PKD1L1: variants seen among roughly 807,000 people sequenced by gnomAD.
PKD1L1 encodes the protein polycystin 1 like 1, transient receptor potential channel interacting.
PKD1L1 carries 236 observed loss-of-function variants against 323.4 expected under a neutral mutation model. That is an observed-to-expected ratio of 0.73 (90% CI 0.66 to 0.81). The LOEUF (loss-of-function observed/expected upper bound fraction) is 0.81, where lower values mean the gene tolerates loss of function less well. PKD1L1 is among the 40% of genes least tolerant of loss of function. The pLI, the probability that PKD1L1 is intolerant of heterozygous loss-of-function variation, is 0.00. For missense variants in PKD1L1, 3,320 were observed against 3,508.0 expected, an observed-to-expected ratio of 0.95 and a Z score of 1.35; for synonymous variants, 1,344 against 1,335.0, an observed-to-expected ratio of 1.01 and a Z score of -0.15.
At chr7:47,931,853 A>C in intron 5 of PKD1L1, 83 bp downstream of exon 5, 1 of 1,498,794 alleles carries the variant, frequency 6.7e-7, no homozygotes, top group Non-Finnish European at 9.0e-7. Context: ...GGCCGCCTAC[A>C]TACGGGTGAG....
chr7:47,831,143 T>G, intron 42 of PKD1L1, 74 bp downstream of exon 42: 1 of 1,531,238 alleles, frequency 6.5e-7, no homozygotes. Flanking sequence ...TTCCCAGAAA[T>G]GCAGGGATTT....
chr7:47,801,792 C>T (rs910932929), intron 53 of PKD1L1, among the ~76,000 whole-genome samples: 6 of 152,174 alleles, frequency 3.9e-5, no homozygotes, highest in African/African-American at 9.7e-5. Flanking sequence ...TGTGGTCTCC[C>T]GGTCTCCCCT....
chr7:47,907,951 G>T, intron 9 of PKD1L1, 126 bp downstream of exon 9: 1 of 898,662 alleles, frequency 1.1e-6, no homozygotes, highest in Non-Finnish European at 1.6e-6. Flanking sequence ...AATTAGGGAA[G>T]AATGAATGAA....
upstream of PKD1L1, among the ~76,000 whole-genome samples, chr7:47,948,956 G>A (rs1004618126): frequency 5.3e-5 from 8 of 151,940 alleles, no homozygotes; most frequent in Non-Finnish European, 1.0e-4. Flanking sequence ...AAAACAAAAT[G>A]AAACAAAACA....
chr7:47,938,706 A>G (rs1787918967), intron 3 of PKD1L1, among the ~76,000 whole-genome samples: 1 of 152,176 alleles, frequency 6.6e-6, no homozygotes, highest in Non-Finnish European at 1.5e-5. Context: ...ACATTTCACC[A>G]GGACCAAGCC....
chr7:47,813,405 G>A, intron 48 of PKD1L1, 112 bp from the exon 49 acceptor site: 1 of 1,127,564 alleles, frequency 8.9e-7, no homozygotes, highest in Non-Finnish European at 1.3e-6. Flanking sequence ...CCTGCAACAT[G>A]GCACCCTTCT....
intron 45 of PKD1L1, among the ~76,000 whole-genome samples, chr7:47,822,434 C>CAA (rs35645229): frequency 5.5e-5 from 8 of 145,558 alleles, no homozygotes; most frequent in African/African-American, 1.5e-4. Context: ...ACTAAAAATA[C>CAA]AAAAAAAAAA....
In PKD1L1 at chr7:47,857,982, C is replaced by T. The variant is rs553336909; in HGVS notation, c.4363-150G>A. Reference sequence around the variant, plus strand: ...AAGCAAGAGCGCAGGTCTTAGGGCTCAGCGCTGGGTAAGTAGGCAACAAAT... The same window carrying T: ...AAGCAAGAGCGCAGGTCTTAGGGCTTAGCGCTGGGTAAGTAGGCAACAAAT... On this transcript the variant is annotated intron_variant, in intron 27 of 56. Transcript: ENST00000289672. The T allele has an allele frequency of 1.2e-4, 79 of 671,440 alleles. 1 individual carries two copies. Among genetic ancestry groups the T allele is most frequent in the African/African-American group, 1.1e-3 (60 of 55,312 alleles). The allele number at this position is 671,440 out of a possible 1,614,324, so 41.6% of individuals were successfully genotyped here. A position where few individuals can be genotyped will look rare whatever the true frequency, so the allele number is the denominator to read the frequency against.
In PKD1L1 at chr7:47,775,100, A is replaced by C. The variant is rs1468263391; in HGVS notation, c.*43T>G. The C allele has an allele frequency of 7.5e-6, 12 of 1,604,134 alleles. No homozygotes were observed. The highest frequency in any genetic ancestry group is 1.0e-5 in the Non-Finnish European group (12 of 1,175,660). On this transcript the variant is annotated 3_prime_UTR_variant, in exon 57 of 57. Transcript: ENST00000289672. ...CTAAAATTGGCTGTTGGGTGGGTTAAGCAAAACAGGGTCCATAGTGCCTAT... is the reference window on the plus strand; with the variant it reads ...CTAAAATTGGCTGTTGGGTGGGTTACGCAAAACAGGGTCCATAGTGCCTAT...
At position 47,908,138 on chromosome 7, in the gene PKD1L1, G is replaced by A. The variant is rs763880989; in HGVS notation, c.1341C>T (p.Asn447=). 4 of 1,614,206 alleles carry A rather than the reference G, an allele frequency of 2.5e-6. No individual in the cohort carries two copies. The highest frequency in any genetic ancestry group is 3.3e-5 in the Admixed American group (2 of 60,024). The change falls in exon 9 of 57, where the codon AAC becomes AAT. Residue 447 remains asparagine (N), a synonymous_variant. Transcript: ENST00000289672. ...IGHEAVSAFM[N]SSSVHEDEVL... is the part of the protein sequence containing the mutation. ...CTTCATCTTCATGGACACTGCTGGA[G>A]TTCATGAACGCAGACACGGCCTCAT...
intron 2 of PKD1L1, among the ~76,000 whole-genome samples, chr7:47,940,686 A>C (rs1787967892): frequency 6.6e-6 from 1 of 152,146 alleles, no homozygotes. Flanking sequence ...AGTCGGAAGG[A>C]GTGGTTGGGG....
intron 13 of PKD1L1, among the ~76,000 whole-genome samples, chr7:47,901,384 G>A (rs1787086767): frequency 6.7e-6 from 1 of 149,894 alleles, no homozygotes; most frequent in South Asian, 2.1e-4. Context: ...CTTATTTTCT[G>A]TGTTTTACAG....
chr7:47,798,045 G>A (rs139854148), intron 54 of PKD1L1, among the ~76,000 whole-genome samples: 45 of 152,290 alleles, frequency 3.0e-4, no homozygotes, highest in African/African-American at 1.1e-3. Flanking sequence ...TCCACAGCAA[G>A]TTCAATCAAA....
At chr7:47,811,446 C>T (rs1276721304) in intron 50 of PKD1L1, among the ~76,000 whole-genome samples, 7 of 152,128 alleles carry the variant, frequency 4.6e-5, no homozygotes, top group Admixed American at 6.5e-5. Context: ...TAAGCCACCG[C>T]GCCTGGCCAT....
chr7:47,890,746 G>A lies in PKD1L1; in HGVS notation c.2471C>T (p.Ala824Val), dbSNP rs1299645467. The change falls in exon 16 of 57, where the codon GCC (alanine) becomes GTC (valine). Residue 824 changes from alanine to valine, a missense_variant. By Grantham distance (64) the Ala-to-Val change is moderately conservative. Coordinates refer to ENST00000289672, the MANE Select transcript of PKD1L1 (RefSeq NM_138295.5). The part of the protein sequence containing the change: ...GATLRYHWEC[A>V]TAGSPAHPCF... ...GGGATGTGCTGGGGAGCCAGCGGTG[G>A]CGCATTCCCAGTGATACCTGTTGGA... 4 of 1,612,544 alleles carry A rather than the reference G, an allele frequency of 2.5e-6. No individual in the cohort carries two copies. The East Asian group carries it at 8.9e-5, about 36-fold the overall frequency.
chr7:47,839,628 G>C lies in PKD1L1; in HGVS notation c.5587C>G (p.Arg1863Gly). The C allele has an allele frequency of 6.3e-7, 1 of 1,581,312 alleles. No homozygotes were observed. The highest frequency in any genetic ancestry group is 8.6e-7 in the Non-Finnish European group (1 of 1,163,484). ...PAQLGLLRKI[R>G]LWHDSRGPSP... ...GGCCCACGGCTGTCGTGCCAGAGGC[G>C]GATCTTCCTCAGCAGGCCCAGTTGG... Residue 1863 changes from arginine to glycine, a missense_variant, in exon 36 of 57, where the codon CGC (arginine) becomes GGC (glycine). Physicochemically the swap from Arg to Gly is moderately radical, Grantham distance 125. Coordinates refer to ENST00000289672, the MANE Select transcript of PKD1L1 (RefSeq NM_138295.5). The surrounding 1 kb of genome is among the most constrained non-coding windows in gnomAD (Gnocchi z 4.3).
chr7:47,781,622 G>A (rs1440055621), intron 56 of PKD1L1, among the ~76,000 whole-genome samples: 1 of 151,654 alleles, frequency 6.6e-6, no homozygotes, highest in Non-Finnish European at 1.5e-5. Flanking sequence ...TGTTAGCCAG[G>A]ATGGTCTCGA....
chr7:47,811,043 C>T (rs1466014292), intron 50 of PKD1L1, among the ~76,000 whole-genome samples: 5 of 152,238 alleles, frequency 3.3e-5, no homozygotes, highest in South Asian at 2.1e-4. Flanking sequence ...GTGAGCACAC[C>T]GTGAGAAGGC....
chr7:47,862,425 C>A (rs1401731340), intron 26 of PKD1L1, among the ~76,000 whole-genome samples: 1 of 152,198 alleles, frequency 6.6e-6, no homozygotes, highest in African/African-American at 2.4e-5. Flanking sequence ...CCATCCAGCC[C>A]CCGTTCCTGT....
Sources: gnomAD v4.1 joint callset for allele counts (sites outside exome capture counted in the v4.1 genomes callset) on GRCh38, gnomAD v4.1.1 for gene constraint, Gnocchi (gnomAD v3.1) non-coding constraint, MANE v1.5 for transcripts, NCBI Gene and HGNC (gene_info 2026-07-23, HGNC 2026-07-21) for gene names.